Variants in ABCC11 observed in about 807,000 individuals in gnomAD.
ABCC11 encodes ATP binding cassette subfamily C member 11.
ABCC11 carries 135 observed loss-of-function variants against 149.3 expected under a neutral mutation model. The ratio of observed to expected loss-of-function variants is 0.90; its 90% CI spans 0.79 to 1.04. ABCC11 has a LOEUF of 1.04. Ranked by LOEUF, ABCC11 falls within the 50% of genes least tolerant of loss-of-function variation. ABCC11 has a pLI of 0.00. For synonymous variants in ABCC11, 665 were observed against 671.4 expected, an observed-to-expected ratio of 0.99 and a Z score of 0.15; for missense variants, 1,680 against 1,722.1, an observed-to-expected ratio of 0.98 and a Z score of 0.43.
chr16:48,166,491 G>A lies in ABCC11; in HGVS notation c.*783C>T, dbSNP rs571593396. 6.6e-6 allele frequency among the ~76,000 whole-genome samples: 1 copy of A among 152,248 alleles called. No homozygotes were observed. The highest frequency in any genetic ancestry group is 1.5e-5 in the Non-Finnish European group (1 of 68,002). ...CCTTGAACTTTTTCTGTATCTTTCT[G>A]TTACAAGACCAACAAACTCTTTTTT... On this transcript the variant is annotated 3_prime_UTR_variant, in exon 30 of 30. Transcript: ENST00000356608.
intron 27 of ABCC11, 138 bp downstream of exon 27, chr16:48,170,751 C>A: frequency 1.3e-6 from 1 of 784,664 alleles, no homozygotes. Flanking sequence ...AATGCCAAGT[C>A]ATCTCATCTC....
Position 48,187,033 on chromosome 16 carries a change from A to G in ABCC11, c.2991T>C (p.Pro997=). The G allele has an allele frequency of 6.2e-7, 1 of 1,614,168 alleles. No homozygotes were observed. ...FKRLENYSRS[P]LFSHILNSLQ... is the part of the protein sequence containing the mutation. ...GAGAATTGAGGATGTGGGAGAATAAAGGAGACCGGCTATAGTTCTCCAGTC... is the reference window on the plus strand; with the variant it reads ...GAGAATTGAGGATGTGGGAGAATAAGGGAGACCGGCTATAGTTCTCCAGTC... The change falls in exon 22 of 30, where the codon CCT becomes CCC. Residue 997 remains proline, a synonymous_variant. Coordinates refer to ENST00000356608, the MANE Select transcript of ABCC11 (RefSeq NM_001370497.1).
intron 18 of ABCC11, among the ~76,000 whole-genome samples, chr16:48,195,984 AT>A (rs897931886): frequency 5.2e-4 from 79 of 152,172 alleles, no homozygotes; most frequent in Middle Eastern, 3.4e-3. Context: ...ATTTTTTTTA[AT>A]TTTTTTTAAT....
At chr16:48,181,898 C>T (rs1966459780) in intron 23 of ABCC11, among the ~76,000 whole-genome samples, 1 of 152,238 alleles carries the variant, frequency 6.6e-6, no homozygotes, top group South Asian at 2.1e-4. Flanking sequence ...CAGGCGTGAG[C>T]CAACGTGCCC....
chr16:48,177,480 C>G (rs1966159148), intron 24 of ABCC11, among the ~76,000 whole-genome samples: 1 of 152,252 alleles, frequency 6.6e-6, no homozygotes, highest in Non-Finnish European at 1.5e-5. Context: ...GACTTAATCT[C>G]TCTCTATCCT....
chr16:48,220,509 A>G (rs942621508), intron 6 of ABCC11, among the ~76,000 whole-genome samples: 6 of 152,232 alleles, frequency 3.9e-5, no homozygotes, highest in Non-Finnish European at 5.9e-5. Context: ...GCAGGAGGAC[A>G]GTGGAGCTCA....
At chr16:48,222,947 C>T (rs1362966677) in intron 5 of ABCC11, 116 bp from the exon 6 acceptor site, 3 of 872,418 alleles carry the variant, frequency 3.4e-6, no homozygotes, top group Non-Finnish European at 5.3e-6. Context: ...GTTGAAGGAT[C>T]AAAACTGACT....
intron 1 of ABCC11, among the ~76,000 whole-genome samples, chr16:48,239,120 A>T (rs1250617081): frequency 6.6e-6 from 1 of 152,102 alleles, no homozygotes; most frequent in Non-Finnish European, 1.5e-5. Flanking sequence ...ACTTGACAAA[A>T]ACAAGCAATG....
At chr16:48,171,957 G>A (rs1023737973) in intron 26 of ABCC11, among the ~76,000 whole-genome samples, 6 of 151,888 alleles carry the variant, frequency 4.0e-5, no homozygotes, top group Admixed American at 1.3e-4. Context: ...AGTGAGACTC[G>A]GTCTCAGAAC....
rs1471518643 is a variant in ABCC11, at chr16:48,208,452, G to A, written c.1653C>T (p.Ser551=). 1 of 1,614,168 alleles carries A rather than the reference G, an allele frequency of 6.2e-7. No homozygotes were observed. Among genetic ancestry groups the A allele is most frequent in the Non-Finnish European group, 8.5e-7 (1 of 1,180,022 alleles). The change falls in exon 12 of 30, where the codon AGC becomes AGT. Residue 551 remains serine, a synonymous_variant. Coordinates refer to ENST00000356608, the MANE Select transcript of ABCC11 (RefSeq NM_001370497.1). ...CCTCCAGGATGGCTGACAACAGGCT[G>A]CTCTTACCACTCCCCGTGTTGCCGC... The part of the protein sequence containing the change: ...GVCGNTGSGK[S]SLLSAILEEM...
At chr16:48,217,092 C>T (rs1368003344) in intron 6 of ABCC11, among the ~76,000 whole-genome samples, 1 of 152,100 alleles carries the variant, frequency 6.6e-6, no homozygotes, top group African/African-American at 2.4e-5. Flanking sequence ...CTTTTCTTTT[C>T]TCAAAAACCC....
In ABCC11 at chr16:48,167,679, G is replaced by A. The variant is rs530604072; in HGVS notation, c.3892-19C>T. On this transcript the variant is annotated intron_variant, in intron 28 of 29. Transcript: ENST00000356608. Reference sequence around the variant, plus strand: ...GGATGATCTGATGAATACAAAACAGGGGTGAAGGTGTCTACTTCAGGCCCT... The same window carrying A: ...GGATGATCTGATGAATACAAAACAGAGGTGAAGGTGTCTACTTCAGGCCCT... 8 of 1,613,530 alleles carry A rather than the reference G, an allele frequency of 5.0e-6. No homozygotes were observed. The highest frequency in any genetic ancestry group is 5.1e-6 in the Non-Finnish European group (6 of 1,179,660).
Position 48,205,408 on chromosome 16 carries a change from C to T in ABCC11, c.1805+5G>A. 2 of 1,614,198 alleles carry T rather than the reference C, an allele frequency of 1.2e-6. No individual in the cohort carries two copies. Among genetic ancestry groups the T allele is most frequent in the South Asian group, 2.2e-5 (2 of 91,076 alleles). ...TACTCTCCCTTTCCCCTCCCAGGAGCTTACCGGGCCTTGTCATATGCGCCT... is the reference window on the plus strand; with the variant it reads ...TACTCTCCCTTTCCCCTCCCAGGAGTTTACCGGGCCTTGTCATATGCGCCT... On this transcript the variant is annotated splice_donor_5th_base_variant and intron_variant, in intron 13 of 29. Transcript: ENST00000356608.
intron 4 of ABCC11, 118 bp from the exon 5 acceptor site, chr16:48,224,547 A>C: frequency 2.6e-6 from 3 of 1,169,064 alleles, no homozygotes; most frequent in Non-Finnish European, 1.2e-6. Context: ...GAATAGAACA[A>C]TGTAGTAATC....
At chr16:48,238,934 T>TAAAAAAAAAAAAAAAAAA (rs3048246) in intron 1 of ABCC11, among the ~76,000 whole-genome samples, 1 of 40,572 alleles carries the variant, frequency 2.5e-5, no homozygotes, top group Non-Finnish European at 4.3e-5. Flanking sequence ...AGACTCTGTC[T>TAAAAAAAAAAAAAAAAAA]AAAAAAAAAA....
chr16:48,233,611 T>C (rs963057230), intron 1 of ABCC11, among the ~76,000 whole-genome samples: 1 of 152,228 alleles, frequency 6.6e-6, no homozygotes, highest in African/African-American at 2.4e-5. Flanking sequence ...CATGATTCCC[T>C]AGAATGAGGC....
intron 6 of ABCC11, among the ~76,000 whole-genome samples, chr16:48,217,430 T>C (rs1969423276): frequency 2.0e-5 from 3 of 152,016 alleles, no homozygotes; most frequent in African/African-American, 7.2e-5. Context: ...ACCCCGTCTC[T>C]ATAAAAAGTA....
chr16:48,220,120 C>A (rs1328112596), intron 6 of ABCC11, among the ~76,000 whole-genome samples: 1 of 152,196 alleles, frequency 6.6e-6, no homozygotes, highest in Admixed American at 6.5e-5. Flanking sequence ...TTTGAGGAAA[C>A]TGGATTTTGC....
At chr16:48,220,837 T>C (rs1299217198) in intron 6 of ABCC11, among the ~76,000 whole-genome samples, 2 of 152,234 alleles carry the variant, frequency 1.3e-5, no homozygotes, top group Non-Finnish European at 2.9e-5. Context: ...TTCTGTGTAA[T>C]TCAGGTGTTG....
Sources: allele counts gnomAD v4.1 joint callset (sites outside exome capture counted in the v4.1 genomes callset), GRCh38; gene constraint gnomAD v4.1.1; transcripts MANE v1.5; gene names NCBI Gene and HGNC (gene_info 2026-07-23, HGNC 2026-07-21).